Variants in ZNF804B observed in about 807,000 individuals in gnomAD.
ZNF804B encodes the protein zinc finger protein 804B.
A neutral mutation model predicts 101.4 loss-of-function variants in ZNF804B; 80 were observed. The observed-to-expected ratio is 0.79, with a 90% confidence interval of 0.66 to 0.95. The LOEUF (loss-of-function observed/expected upper bound fraction) is 0.95, where lower values mean the gene tolerates loss of function less well. Ranked by LOEUF, ZNF804B falls within the 40% of genes least tolerant of loss-of-function variation. The probability of loss-of-function intolerance (pLI) is 0.00; values close to 1 mark genes in which losing one functional copy is unlikely to be tolerated. For synonymous variants in ZNF804B, 622 were observed against 558.8 expected (o/e 1.11, Z -1.59); for missense variants, 1,673 against 1,561.9 (o/e 1.07, Z -1.20).
chr7:89,119,992 A>C (rs1341902948), intron 1 of ZNF804B, among the ~76,000 whole-genome samples: 1 of 151,716 alleles, frequency 6.6e-6, no homozygotes, highest in Non-Finnish European at 1.5e-5. Context: ...TGGAGCAGAC[A>C]TAGAGTTACT....
chr7:89,171,970 T>C (rs11977548), intron 1 of ZNF804B, among the ~76,000 whole-genome samples: 3 of 151,558 alleles, frequency 2.0e-5, no homozygotes, highest in Non-Finnish European at 2.9e-5. Context: ...CTATTTGAAA[T>C]ATAGTCCCTG....
chr7:89,181,262 C>G (rs183101741), intron 1 of ZNF804B, among the ~76,000 whole-genome samples: 1 of 152,246 alleles, frequency 6.6e-6, no homozygotes, highest in Non-Finnish European at 1.5e-5. Flanking sequence ...GGCACCAGGA[C>G]TTGCCTAGGA....
At chr7:88,979,119 A>G (rs115501696) in intron 1 of ZNF804B, among the ~76,000 whole-genome samples, 3,443 of 151,962 alleles carry the variant, frequency 0.023, 132 homozygotes, top group African/African-American at 0.078. Flanking sequence ...GGTTCTATTT[A>G]TATTATGTGT....
At chr7:88,909,775 C>G (rs1383855993) in intron 1 of ZNF804B, among the ~76,000 whole-genome samples, 1 of 150,690 alleles carries the variant, frequency 6.6e-6, no homozygotes, top group South Asian at 2.1e-4. Context: ...TTTTTTTTAA[C>G]TTACTTCCTT....
At chr7:88,884,167 C>T (rs987446920) in intron 1 of ZNF804B, among the ~76,000 whole-genome samples, 2 of 151,362 alleles carry the variant, frequency 1.3e-5, no homozygotes, top group African/African-American at 2.4e-5. Flanking sequence ...TATTCTTTAC[C>T]TCCTTAAAAA....
intron 1 of ZNF804B, among the ~76,000 whole-genome samples, chr7:88,799,287 A>T (rs777438136): frequency 6.6e-6 from 1 of 152,076 alleles, no homozygotes; most frequent in African/African-American, 2.4e-5. Context: ...ACTTTTACAT[A>T]CAGTAACTAA....
intron 1 of ZNF804B, among the ~76,000 whole-genome samples, chr7:88,867,633 T>A (rs567380247): frequency 6.6e-6 from 1 of 152,220 alleles, no homozygotes; most frequent in Admixed American, 6.5e-5. Context: ...GTTTTCTTGG[T>A]ATCCCCTAAT....
intron 1 of ZNF804B, among the ~76,000 whole-genome samples, chr7:88,871,044 A>AT (rs1791815610): frequency 6.6e-6 from 1 of 152,216 alleles, no homozygotes; most frequent in Non-Finnish European, 1.5e-5. Flanking sequence ...CTATTAAAAG[A>AT]TTGATAATTC....
chr7:89,007,444 T>TA, intron 1 of ZNF804B, among the ~76,000 whole-genome samples: 1 of 47,712 alleles, frequency 2.1e-5, no homozygotes. Flanking sequence ...TTATCCATGA[T>TA]TTTATATATA....
At chr7:89,323,721 C>T (rs558690856) in intron 2 of ZNF804B, among the ~76,000 whole-genome samples, 76 of 152,188 alleles carry the variant, frequency 5.0e-4, no homozygotes, top group African/African-American at 1.5e-3. Context: ...CTTTACCACC[C>T]GCTTTGCACA....
At chr7:89,076,851 A>T (rs1789621494) in intron 1 of ZNF804B, among the ~76,000 whole-genome samples, 1 of 152,170 alleles carries the variant, frequency 6.6e-6, no homozygotes, top group African/African-American at 2.4e-5. Flanking sequence ...ATGCTGAGAG[A>T]GTCCCTGGGA....
intron 1 of ZNF804B, among the ~76,000 whole-genome samples, chr7:88,922,092 A>C (rs1792727782): frequency 6.6e-6 from 1 of 152,094 alleles, no homozygotes; most frequent in African/African-American, 2.4e-5. Flanking sequence ...TTCAGGATCA[A>C]CAGAATTTGA....
At chr7:88,863,873 G>A (rs932893016) in intron 1 of ZNF804B, among the ~76,000 whole-genome samples, 1 of 152,202 alleles carries the variant, frequency 6.6e-6, no homozygotes, top group African/African-American at 2.4e-5. Flanking sequence ...AATTAAAATT[G>A]GCCGTCACGT....
chr7:89,256,936 T>G lies in ZNF804B; in HGVS notation c.249+38641T>G, dbSNP rs371897339. On this transcript the variant is annotated intron_variant, in intron 2 of 3. Transcript: ENST00000333190. Reference sequence around the variant, plus strand: ...TTACAATTATTCTCTAAACTACATATGTTTAATACTTTTCATTTATGATAG... The same window carrying G: ...TTACAATTATTCTCTAAACTACATAGGTTTAATACTTTTCATTTATGATAG... Among the ~76,000 whole-genome samples, 248 of 152,362 alleles carry G rather than the reference T, an allele frequency of 1.6e-3. 1 individual carries two copies. Among genetic ancestry groups the G allele is most frequent in the African/African-American group, 5.8e-3 (243 of 41,582 alleles).
At chr7:89,099,002 C>T (rs1322447771) in intron 1 of ZNF804B, among the ~76,000 whole-genome samples, 2 of 148,242 alleles carry the variant, frequency 1.3e-5, no homozygotes, top group East Asian at 3.9e-4. Flanking sequence ...CAGTGCAGTA[C>T]AATTATATAC....
intron 1 of ZNF804B, among the ~76,000 whole-genome samples, chr7:88,842,506 A>C (rs1393627961): frequency 6.6e-6 from 1 of 152,222 alleles, no homozygotes; most frequent in African/African-American, 2.4e-5. Flanking sequence ...GTGTAAATGG[A>C]AACACTGTGC....
At chr7:89,092,091 C>T (rs1378899300) in intron 1 of ZNF804B, among the ~76,000 whole-genome samples, 1 of 151,986 alleles carries the variant, frequency 6.6e-6, no homozygotes, top group African/African-American at 2.4e-5. Flanking sequence ...CTGAGAAATC[C>T]AAAATCAAGG....
chr7:89,237,350 T>C (rs2115753879), intron 2 of ZNF804B, among the ~76,000 whole-genome samples: 1 of 152,252 alleles, frequency 6.6e-6, no homozygotes, highest in Admixed American at 6.5e-5. Flanking sequence ...AATCACTTTT[T>C]AGTTTTCTGG....
chr7:88,814,102 A>G (rs1281829748), intron 1 of ZNF804B, among the ~76,000 whole-genome samples: 1 of 152,162 alleles, frequency 6.6e-6, no homozygotes, highest in African/African-American at 2.4e-5. Flanking sequence ...AATATGTTAT[A>G]TATTCTGCTC....
Sources: gnomAD v4.1 joint callset for allele counts (sites outside exome capture counted in the v4.1 genomes callset) on GRCh38, gnomAD v4.1.1 for gene constraint, MANE v1.5 for transcripts, NCBI Gene and HGNC (gene_info 2026-07-23, HGNC 2026-07-21) for gene names.